Variants in SH3RF2 observed in about 807,000 individuals in gnomAD.
The protein encoded by SH3RF2 is E3 ubiquitin-protein ligase SH3RF2.
A neutral mutation model predicts 59.0 loss-of-function variants in SH3RF2; 43 were observed. That is an observed-to-expected ratio of 0.73 (90% CI 0.57 to 0.94). SH3RF2 has a LOEUF of 0.94. Ranked by LOEUF, SH3RF2 falls within the 40% of genes least tolerant of loss-of-function variation. SH3RF2 has a pLI of 0.00. For synonymous variants in SH3RF2, 391 were observed against 391.5 expected (o/e 1.00, Z 0.01); for missense variants, 930 against 940.1 (o/e 0.99, Z 0.14).
chr5:145,970,464 T>C (rs1354985459), intron 2 of SH3RF2, among the ~76,000 whole-genome samples: 9 of 152,266 alleles, frequency 5.9e-5, no homozygotes. Flanking sequence ...TTCCTCTTTA[T>C]GGATGAGTAG....
rs1170521313 is a variant in SH3RF2 at position 145,991,122 on chromosome 5, A to G, written c.379-8936A>G. On this transcript the variant is annotated intron_variant, in intron 2 of 9. Coordinates refer to ENST00000359120, the MANE Select transcript of SH3RF2 (RefSeq NM_152550.4). ...CAAATGAGTTTTATGATGGAAAAAC[A>G]TGCTAGGTGACTTCAGGTGGATGGC... is the stretch of plus-strand genomic sequence containing the variant. 2.0e-5 allele frequency among the ~76,000 whole-genome samples: 3 copies of G among 152,210 alleles called. No homozygotes were observed. The East Asian group carries it at 5.8e-4, about 29-fold the overall frequency.
At chr5:146,033,446 C>A (rs1761809477) in intron 5 of SH3RF2, among the ~76,000 whole-genome samples, 1 of 111,782 alleles carries the variant, frequency 8.9e-6, no homozygotes, top group Non-Finnish European at 1.8e-5. Context: ...AGCACTAGCC[C>A]TTAGCTTTTT....
intron 2 of SH3RF2, among the ~76,000 whole-genome samples, chr5:145,976,989 C>T (rs535559228): frequency 6.6e-6 from 1 of 152,346 alleles, no homozygotes; most frequent in East Asian, 1.9e-4. Context: ...ACACTCTAGG[C>T]AAAGTAAGAA....
At chr5:146,037,659 T>C (rs1368171002) in intron 5 of SH3RF2, among the ~76,000 whole-genome samples, 1 of 152,190 alleles carries the variant, frequency 6.6e-6, no homozygotes, top group Non-Finnish European at 1.5e-5. Context: ...CAGAATAACA[T>C]TGTAAGCATT....
intron 5 of SH3RF2, among the ~76,000 whole-genome samples, chr5:146,022,788 G>T (rs1429326250): frequency 1.3e-5 from 2 of 151,732 alleles, no homozygotes; most frequent in African/African-American, 4.8e-5. Context: ...CAGGAGAATG[G>T]CTTGAACCAG....
At chr5:146,065,809 C>A (rs1216060514), downstream of SH3RF2, among the ~76,000 whole-genome samples, 1 of 152,224 alleles carries the variant, frequency 6.6e-6, no homozygotes, top group Non-Finnish European at 1.5e-5. Context: ...ATTCCACCAA[C>A]ATGCTTTGTA....
chr5:145,945,269 A>C (rs561110561), intron 2 of SH3RF2, among the ~76,000 whole-genome samples: 1 of 152,358 alleles, frequency 6.6e-6, no homozygotes, highest in African/African-American at 2.4e-5. Flanking sequence ...TATTCCACTT[A>C]TGTAAAATTG....
At chr5:146,065,501 T>C (rs1580951703), downstream of SH3RF2, among the ~76,000 whole-genome samples, 1 of 152,246 alleles carries the variant, frequency 6.6e-6, no homozygotes, top group East Asian at 1.9e-4. Flanking sequence ...TTTTAAGTTT[T>C]GTGGCTGACA....
At chr5:146,009,074 A>G (rs767403112) in intron 4 of SH3RF2, among the ~76,000 whole-genome samples, 2 of 152,236 alleles carry the variant, frequency 1.3e-5, no homozygotes, top group Non-Finnish European at 2.9e-5. Flanking sequence ...AACTATGCAT[A>G]AAACTGTTAT....
intron 9 of SH3RF2, among the ~76,000 whole-genome samples, chr5:146,061,004 A>C (rs1762868839): frequency 6.6e-6 from 1 of 152,144 alleles, no homozygotes; most frequent in Admixed American, 6.6e-5. Flanking sequence ...CATCATCGCC[A>C]TCACCACCTC....
At chr5:145,973,297 C>T (rs1420325477) in intron 2 of SH3RF2, among the ~76,000 whole-genome samples, 1 of 152,160 alleles carries the variant, frequency 6.6e-6, no homozygotes, top group Non-Finnish European at 1.5e-5. Context: ...TGGACTTTAT[C>T]TTGGGGACAG....
At chr5:145,952,133 C>G (rs73792745) in intron 2 of SH3RF2, among the ~76,000 whole-genome samples, 1,858 of 152,296 alleles carry the variant, frequency 0.012, 35 homozygotes, top group African/African-American at 0.04. Flanking sequence ...TTGCCACTCT[C>G]TCTGCATAAG....
chr5:146,008,794 C>T (rs1760754926), intron 4 of SH3RF2, among the ~76,000 whole-genome samples: 1 of 152,122 alleles, frequency 6.6e-6, no homozygotes, highest in Non-Finnish European at 1.5e-5. Flanking sequence ...CAATTTCTTC[C>T]CCAACTCATA....
chr5:145,992,179 C>T (rs986669179), intron 2 of SH3RF2, among the ~76,000 whole-genome samples: 3 of 152,026 alleles, frequency 2.0e-5, no homozygotes, highest in African/African-American at 7.2e-5. Flanking sequence ...TGAGACCAGC[C>T]TGAACAACAT....
rs541256775 is a variant in SH3RF2, at chr5:145,968,638, CACTT to C, written c.378+30334_378+30337del. Among the ~76,000 whole-genome samples, 184 of 152,222 alleles carry C rather than the reference CACTT, an allele frequency of 1.2e-3. 1 individual carries two copies. Among genetic ancestry groups the C allele is most frequent in the Middle Eastern group, 3.4e-3 (1 of 294 alleles). ...AAAGGTGAAATTAATTTTAATAACT[CACTT>C]AATCCATCAACATATTATTTCAACA... is the stretch of plus-strand genomic sequence containing the variant. On this transcript the variant is annotated intron_variant, in intron 2 of 9. Coordinates refer to ENST00000359120, the MANE Select transcript of SH3RF2 (RefSeq NM_152550.4).
At chr5:145,980,932 G>A (rs1012562863) in intron 2 of SH3RF2, among the ~76,000 whole-genome samples, 2 of 152,062 alleles carry the variant, frequency 1.3e-5, no homozygotes, top group Non-Finnish European at 2.9e-5. Flanking sequence ...ATGAAACTGA[G>A]GCAAAGTCCA....
chr5:146,018,263 C>T (rs1761181205), intron 5 of SH3RF2, among the ~76,000 whole-genome samples: 1 of 152,066 alleles, frequency 6.6e-6, no homozygotes, highest in African/African-American at 2.4e-5. Context: ...CTCCCTCTCT[C>T]CTTTGAGTCT....
intron 5 of SH3RF2, among the ~76,000 whole-genome samples, chr5:146,016,354 AGATGGATGGATGGATGGATG>A (rs68055522): frequency 1.4e-4 from 20 of 143,886 alleles, no homozygotes; most frequent in South Asian, 8.8e-4. Flanking sequence ...GTAGGTAAGT[AGATGGATGGATGGATGGATG>A]GATGGATGGA....
In SH3RF2 at chr5:146,074,108, T is replaced by C. The variant is rs1361076697; in HGVS notation, c.*34-4352T>C. ...AGGCTGGAGTACAGAGGCGCGATCTTGGCTCACTGCAAGCTCCGCCTCCCG... is the reference window on the plus strand; with the variant it reads ...AGGCTGGAGTACAGAGGCGCGATCTCGGCTCACTGCAAGCTCCGCCTCCCG... On this transcript the variant is annotated intron_variant, in intron 9 of 9. Coordinates refer to the SH3RF2 transcript ENST00000511217. Among the ~76,000 whole-genome samples, 11 of 147,850 alleles carry C rather than the reference T, an allele frequency of 7.4e-5. No homozygotes were observed. The East Asian group carries it at 1.4e-3, about 18-fold the overall frequency.
Sources: allele counts gnomAD v4.1 joint callset (sites outside exome capture counted in the v4.1 genomes callset), GRCh38; gene constraint gnomAD v4.1.1; transcripts MANE v1.5; gene names NCBI Gene and HGNC (gene_info 2026-07-23, HGNC 2026-07-21).